CEP170: variants seen among roughly 807,000 people sequenced by gnomAD.
CEP170 encodes the protein centrosomal protein 170.
CEP170 carries 21 observed loss-of-function variants against 151.9 expected under a neutral mutation model. The ratio of observed to expected loss-of-function variants is 0.14; its 90% confidence interval spans 0.10 to 0.20. The LOEUF (loss-of-function observed/expected upper bound fraction) is 0.20. CEP170 is among the 10% of genes least tolerant of loss of function. The pLI is 1.00. For missense variants in CEP170, 964 were observed against 1,892.9 expected (o/e 0.51, Z 9.11); for synonymous variants, 356 against 648.8 (o/e 0.55, Z 6.86).
Position 243,129,509 on chromosome 1 carries a change from T to A in CEP170, c.4320-56A>T, listed in dbSNP as rs2054121434. The A allele has an allele frequency of 2.6e-6, 3 of 1,136,822 alleles. No homozygotes were observed. The Admixed American group carries it at 9.0e-5, about 34-fold the overall frequency. The allele number at this position is 1,136,822 out of a possible 1,614,324, so 70.4% of individuals were successfully genotyped here. A position where few individuals can be genotyped will look rare whatever the true frequency, so the allele number is the denominator to read the frequency against. ...TTTTATATTTTAAAAACCTATTACTTTTTTGTTAATAATACCAAAGCAATG... is the reference window on the plus strand; with the variant it reads ...TTTTATATTTTAAAAACCTATTACTATTTTGTTAATAATACCAAAGCAATG... On this transcript the variant is annotated intron_variant, in intron 17 of 19. Transcript: ENST00000366542.
rs1205098892 is a variant in CEP170, at chr1:243,248,589, AT to A, written c.-42+6450del. Among the ~76,000 whole-genome samples the A allele has an allele frequency of 3.3e-5, 5 of 152,246 alleles. No individual in the cohort carries two copies. The East Asian group carries it at 9.7e-4, about 29-fold the overall frequency. ...ACTTCAAACTTAACATATCCAAAAC[AT>A]TTGACTCTCTAAAGCCAGAAACTAG... On this transcript the variant is annotated intron_variant, in intron 1 of 19. Transcript: ENST00000366542.
At chr1:243,202,497 G>GA (rs941043011) in intron 4 of CEP170, among the ~76,000 whole-genome samples, 24 of 151,888 alleles carry the variant, frequency 1.6e-4, no homozygotes, top group African/African-American at 5.8e-4. Context: ...GCTATTATAA[G>GA]AAAAAACCTA....
intron 1 of CEP170, among the ~76,000 whole-genome samples, chr1:243,251,858 G>A (rs776162568): frequency 6.6e-6 from 1 of 151,942 alleles, no homozygotes; most frequent in African/African-American, 2.4e-5. Flanking sequence ...TATAAAAGTG[G>A]GCTTTAACAG....
intron 10 of CEP170, chr1:243,176,769 A>G (rs1176431003): frequency 2.7e-6 from 1 of 373,538 alleles, no homozygotes; most frequent in South Asian, 2.0e-5. Context: ...TTTGCTTTTG[A>G]GGAGGTTACG....
intron 4 of CEP170, among the ~76,000 whole-genome samples, chr1:243,203,209 C>G (rs1338357999): frequency 1.3e-5 from 2 of 152,032 alleles, no homozygotes; most frequent in African/African-American, 4.8e-5. Context: ...TTTTAACTTG[C>G]TAATCAAGAA....
chr1:243,218,487 T>C (rs1260551234), intron 3 of CEP170, among the ~76,000 whole-genome samples: 1 of 152,206 alleles, frequency 6.6e-6, no homozygotes, highest in Non-Finnish European at 1.5e-5. Context: ...GAACCGACTG[T>C]AGCTTTCTCA....
chr1:243,132,386 C>G (rs372554417), intron 17 of CEP170, among the ~76,000 whole-genome samples: 1 of 151,842 alleles, frequency 6.6e-6, no homozygotes, highest in Non-Finnish European at 1.5e-5. Flanking sequence ...CTATCTTGTA[C>G]GACAGTTGAT....
At chr1:243,209,425 G>C (rs1259973816) in intron 4 of CEP170, among the ~76,000 whole-genome samples, 2 of 152,026 alleles carry the variant, frequency 1.3e-5, no homozygotes, top group East Asian at 1.9e-4. Context: ...GACCTCAACT[G>C]ATCTGCCCAC....
At position 243,124,614 on chromosome 1, in the gene CEP170, A is replaced by G. The variant is rs2053566955; in HGVS notation, c.*1835T>C. On this transcript the variant is annotated 3_prime_UTR_variant, in exon 20 of 20. Coordinates refer to ENST00000366542, the MANE Select transcript of CEP170 (RefSeq NM_014812.3). ...TAAACACTTAAACAAGAATGTAAGCAGAGTAGATTCTAGTATTTTCCTAAA... is the reference window on the plus strand; with the variant it reads ...TAAACACTTAAACAAGAATGTAAGCGGAGTAGATTCTAGTATTTTCCTAAA... 2 of 152,582 alleles carry G rather than the reference A, an allele frequency of 1.3e-5. No individual in the cohort carries two copies. The highest frequency in any genetic ancestry group is 2.1e-4 in the South Asian group (1 of 4,830). 9.5% of individuals were successfully genotyped at this position (152,582 alleles called of 1,614,324 possible).
chr1:243,157,982 T>C (rs2057714142), intron 13 of CEP170, among the ~76,000 whole-genome samples: 1 of 152,232 alleles, frequency 6.6e-6, no homozygotes, highest in Non-Finnish European at 1.5e-5. Context: ...TAATTAGTCA[T>C]AGACCTTTTT....
At chr1:243,148,230 C>A (rs900634318) in intron 14 of CEP170, among the ~76,000 whole-genome samples, 1 of 151,726 alleles carries the variant, frequency 6.6e-6, no homozygotes, top group African/African-American at 2.4e-5. Flanking sequence ...GAGACATAGA[C>A]AAATTTGGGA....
At chr1:243,254,288 CTG>C (rs1456380085) in intron 1 of CEP170, 2 of 152,166 alleles carry the variant, frequency 1.3e-5, no homozygotes, top group African/African-American at 2.4e-5. Context: ...TCTTCCCGCC[CTG>C]TGTTAGGCAG....
chr1:243,151,232 ACCT>A (rs1350906645), intron 14 of CEP170, among the ~76,000 whole-genome samples: 43 of 151,512 alleles, frequency 2.8e-4, no homozygotes, highest in African/African-American at 1.0e-3. Flanking sequence ...CCAAAATACA[ACCT>A]ATCTTCTTTT....
chr1:243,180,891 C>G (rs1213587842), intron 10 of CEP170, among the ~76,000 whole-genome samples: 2 of 152,070 alleles, frequency 1.3e-5, no homozygotes, highest in African/African-American at 4.8e-5. Flanking sequence ...GAAGAAAAGA[C>G]GCTAGTAAGA....
intron 1 of CEP170, among the ~76,000 whole-genome samples, chr1:243,228,562 G>A (rs1260364543): frequency 2.0e-5 from 3 of 152,112 alleles, no homozygotes; most frequent in Non-Finnish European, 2.9e-5. Flanking sequence ...TGTATTTTCA[G>A]GGGACGATTT....
At position 243,179,264 on chromosome 1, in the gene CEP170, C is replaced by T. The variant is rs371206217; in HGVS notation, c.1567-6418G>A. On this transcript the variant is annotated intron_variant, in intron 10 of 19. Coordinates refer to ENST00000366542, the MANE Select transcript of CEP170 (RefSeq NM_014812.3). ...TCCAATTTCTCTCCCTTTTATGGTT[C>T]ATTCCCTGGTCATGTATCCCCTCTT... Among the ~76,000 whole-genome samples the T allele has an allele frequency of 2.6e-5, 4 of 152,182 alleles. No individual in the cohort carries two copies. The East Asian group carries it at 5.8e-4, about 22-fold the overall frequency.
chr1:243,160,328 G>A (rs933687400), intron 13 of CEP170, among the ~76,000 whole-genome samples: 2 of 152,074 alleles, frequency 1.3e-5, no homozygotes, highest in African/African-American at 4.8e-5. Flanking sequence ...GTTAGTAAAG[G>A]CCTAGACAGC....
chr1:243,251,963 G>GT (rs1431469851), intron 1 of CEP170, among the ~76,000 whole-genome samples: 2 of 152,120 alleles, frequency 1.3e-5, no homozygotes, highest in Non-Finnish European at 2.9e-5. Context: ...CCAGACAGAT[G>GT]TTTTTTATCT....
At chr1:243,230,923 C>G (rs1652728260) in intron 1 of CEP170, among the ~76,000 whole-genome samples, 1 of 151,998 alleles carries the variant, frequency 6.6e-6, no homozygotes, top group Non-Finnish European at 1.5e-5. Context: ...TCAAAGAGCT[C>G]CACACAAGAA....
Sources: gnomAD v4.1 joint callset for allele counts (sites outside exome capture counted in the v4.1 genomes callset) on GRCh38, gnomAD v4.1.1 for gene constraint, MANE v1.5 for transcripts, NCBI Gene and HGNC (gene_info 2026-07-23, HGNC 2026-07-21) for gene names.